The following FZD6 variants were observed in gnomAD, a reference collection of about 807,000 sequenced individuals.
FZD6 encodes the protein frizzled-6.
In FZD6, 49 loss-of-function variants were observed where a neutral mutation model predicts 61.4. That is an observed-to-expected ratio of 0.80 (90% CI 0.63 to 1.01). The LOEUF (loss-of-function observed/expected upper bound fraction) is 1.01. Ranked by LOEUF, FZD6 falls within the 50% of genes least tolerant of loss-of-function variation. The probability of loss-of-function intolerance (pLI) is 0.00; values close to 1 mark genes in which losing one functional copy is unlikely to be tolerated. For synonymous variants in FZD6, 265 were observed against 292.2 expected, an observed-to-expected ratio of 0.91 and a Z score of 0.95; for missense variants, 724 against 848.2, an observed-to-expected ratio of 0.85 and a Z score of 1.82.
Position 103,332,527 on chromosome 8 carries a change from C to T in FZD6, c.*1018C>T, listed in dbSNP as rs778777161. The T allele has an allele frequency of 2.6e-5, 4 of 152,104 alleles. No homozygotes were observed. Among genetic ancestry groups the T allele is most frequent in the South Asian group, 4.2e-4 (2 of 4,818 alleles). 9.4% of individuals were successfully genotyped at this position (152,104 alleles called of 1,614,324 possible). A position where few individuals can be genotyped will look rare whatever the true frequency, so the allele number is the denominator to read the frequency against. On this transcript the variant is annotated 3_prime_UTR_variant, in exon 7 of 7. Coordinates refer to ENST00000358755, the MANE Select transcript of FZD6 (RefSeq NM_003506.4). ...TGCTGAACATTAAAAAGTGTGATAG[C>T]GATATTAGTGCCAATCAAATGGAAA...
At position 103,328,478 on chromosome 8, in the gene FZD6, C is replaced by CCAT. The variant is rs1311490590; in HGVS notation, c.1541+62_1541+63insCAT. On this transcript the variant is annotated intron_variant, in intron 5 of 6. Coordinates refer to ENST00000358755, the MANE Select transcript of FZD6 (RefSeq NM_003506.4). Reference sequence around the variant, plus strand: ...ATAAATAGATCAAAATACCAAGGAACTGTTCAAATCAATGTACTAGAGTTT... The same window carrying CCAT: ...ATAAATAGATCAAAATACCAAGGAACCATTGTTCAAATCAATGTACTAGAGTTT... The CCAT allele has an allele frequency of 3.2e-6, 4 of 1,241,870 alleles. No homozygotes were observed. In the East Asian group the frequency reaches 9.3e-5, roughly 29 times the overall value. The allele number at this position is 1,241,870 out of a possible 1,614,324, so 76.9% of individuals were successfully genotyped here.
At position 103,331,464 on chromosome 8, in the gene FZD6, A is replaced by AGG; in HGVS notation, c.2077_2078dup (p.Val694GlufsTer2). 6.2e-7 allele frequency: 1 copy of AGG among 1,612,148 alleles called. No individual in the cohort carries two copies. The highest frequency in any genetic ancestry group is 2.2e-5 in the East Asian group (1 of 44,866). ...CATCTCTGCTTGTTCACCCGGTTTC[A>AGG]GGAGTGAGAAAAGAGCAGGGAGGTG... On this transcript the variant is annotated frameshift_variant, in exon 7 of 7. Coordinates refer to ENST00000358755, the MANE Select transcript of FZD6 (RefSeq NM_003506.4). LOFTEE classifies it high-confidence loss of function.
In FZD6 at chr8:103,331,915, A is replaced by G. The variant is rs1815149258; in HGVS notation, c.*406A>G. The G allele has an allele frequency of 1.1e-5, 2 of 182,754 alleles. No individual in the cohort carries two copies. Among genetic ancestry groups the G allele is most frequent in the South Asian group, 2.3e-4 (2 of 8,708 alleles). The allele number at this position is 182,754 out of a possible 1,614,324, so 11.3% of individuals were successfully genotyped here. On this transcript the variant is annotated 3_prime_UTR_variant, in exon 7 of 7. Transcript: ENST00000358755. ...TTGTATCTTTTTATACATATTTGAA[A>G]ATAAGCTTATATGTATTTGAACTTT...
intron 2 of FZD6, among the ~76,000 whole-genome samples, chr8:103,315,598 T>G (rs1309292561): frequency 6.6e-6 from 1 of 152,008 alleles, no homozygotes; most frequent in Non-Finnish European, 1.5e-5. Context: ...TTGTCAGGCG[T>G]GAGAGTTACT....
intron 2 of FZD6, among the ~76,000 whole-genome samples, chr8:103,303,677 C>T (rs1429506270): frequency 1.3e-5 from 2 of 152,212 alleles, no homozygotes; most frequent in Admixed American, 6.5e-5. Context: ...CTATCATCTA[C>T]AGTGTCCAAG....
At chr8:103,300,487 G>A (rs4115670) in intron 2 of FZD6, among the ~76,000 whole-genome samples, 85,182 of 151,964 alleles carry the variant, frequency 0.56, 24,341 homozygotes, top group East Asian at 0.68. Flanking sequence ...AGATTCGTTT[G>A]AATAGGGTTC....
rs181965283 is a variant in FZD6 at position 103,313,459 on chromosome 8, A to T, written c.178-5131A>T. ...TGATCTCTGGAGGTGCTCTGAGGTC[A>T]CTGGTAGCAAAGGGGAATGGTGAGA... On this transcript the variant is annotated intron_variant, in intron 2 of 6. Coordinates refer to ENST00000358755, the MANE Select transcript of FZD6 (RefSeq NM_003506.4). Among the ~76,000 whole-genome samples the T allele has an allele frequency of 3.2e-3, 482 of 152,302 alleles. 2 individuals carry two copies. Among genetic ancestry groups the T allele is most frequent in the African/African-American group, 0.011 (462 of 41,570 alleles).
rs149949925 is a variant in FZD6 at position 103,325,696 on chromosome 8, A to G, written c.1392+198A>G. On this transcript the variant is annotated intron_variant, in intron 4 of 6. Transcript: ENST00000358755. ...TTCCTCAAGCTTTAGCTTCAGTTGT[A>G]TAGTAAAGCACTTCCTTTATTCTCT... 6.7e-3 allele frequency among the ~76,000 whole-genome samples: 1,017 copies of G among 152,348 alleles called. 7 individuals carry two copies. Among genetic ancestry groups the G allele is most frequent in the Middle Eastern group, 0.02 (6 of 294 alleles).
At chr8:103,299,242 G>T (rs1030917138) in intron 1 of FZD6, among the ~76,000 whole-genome samples, 2 of 152,262 alleles carry the variant, frequency 1.3e-5, no homozygotes, top group Admixed American at 6.5e-5. Flanking sequence ...TAGGCCTGGG[G>T]CAGGTTCCCG....
chr8:103,306,494 C>CTTTTTTTTT (rs71292793), intron 2 of FZD6, among the ~76,000 whole-genome samples: 1 of 65,200 alleles, frequency 1.5e-5, no homozygotes, highest in African/African-American at 6.2e-5. Context: ...AGGTTCATCA[C>CTTTTTTTTT]TTTTTTTTTT....
chr8:103,311,744 A>G (rs1360026427), intron 2 of FZD6, among the ~76,000 whole-genome samples: 3 of 151,612 alleles, frequency 2.0e-5, no homozygotes, highest in Admixed American at 1.3e-4. Context: ...TAGCACCTAC[A>G]GTTGTTTTGA....
At chr8:103,327,927 A>G (rs1025234356) in intron 4 of FZD6, among the ~76,000 whole-genome samples, 16 of 152,054 alleles carry the variant, frequency 1.1e-4, no homozygotes, top group Admixed American at 1.0e-3. Flanking sequence ...ATAGTGGGGG[A>G]AAATAGGTAC....
chr8:103,300,923 T>A (rs1179546709), intron 2 of FZD6, among the ~76,000 whole-genome samples: 1 of 152,184 alleles, frequency 6.6e-6, no homozygotes, highest in African/African-American at 2.4e-5. Flanking sequence ...TTTAGAGATA[T>A]GCAAATTACT....
intron 2 of FZD6, among the ~76,000 whole-genome samples, chr8:103,318,376 T>TGC (rs1814689005): frequency 6.6e-6 from 1 of 152,192 alleles, no homozygotes; most frequent in Admixed American, 6.5e-5. Context: ...GCAAGTGATT[T>TGC]CACTGGAATA....
chr8:103,324,521 C>G lies in FZD6; in HGVS notation c.415C>G (p.Pro139Ala), dbSNP rs1814881460. ...CDETVPVTFD[P>A]HTEFLGPQKK... ...TGAGACTGTTCCTGTAACTTTTGAT[C>G]CACACACAGAATTTCTTGGTCCTCA... is the stretch of plus-strand genomic sequence containing the variant. Residue 139 changes from proline to alanine, a missense_variant, in exon 4 of 7, where the codon CCA becomes GCA. Pro to Ala is a conservative substitution (Grantham distance 27, BLOSUM62 -1). Transcript: ENST00000358755. 1.2e-6 allele frequency: 2 copies of G among 1,608,676 alleles called. No homozygotes were observed. Among genetic ancestry groups the G allele is most frequent in the Non-Finnish European group, 1.7e-6 (2 of 1,175,328 alleles).
chr8:103,325,484 C>T lies in FZD6; in HGVS notation c.1378C>T (p.Pro460Ser). 1 of 1,610,516 alleles carries T rather than the reference C, an allele frequency of 6.2e-7. No individual in the cohort carries two copies. The change falls in exon 4 of 7, where the codon CCA becomes TCA. Residue 460 changes from proline to serine, a missense_variant. Pro to Ser is a moderately conservative substitution (Grantham distance 74). Transcript: ENST00000358755. ...VSDHCRQYHIPCPYQAKAKAR... is the reference protein window; with the variant it reads ...VSDHCRQYHISCPYQAKAKAR... ...TGATCATTGTCGTCAGTACCATATC[C>T]CATGTCCTTATCAGGTAAAAGCTAT...
At chr8:103,307,984 G>A (rs185166590) in intron 2 of FZD6, 13 of 455,458 alleles carry the variant, frequency 2.9e-5, no homozygotes, top group Admixed American at 7.0e-5. Flanking sequence ...ATAGTTGGTT[G>A]ATCCTGCTGG....
chr8:103,316,755 C>T (rs1814636860), intron 2 of FZD6, among the ~76,000 whole-genome samples: 1 of 151,834 alleles, frequency 6.6e-6, no homozygotes, highest in Admixed American at 6.6e-5. Context: ...CTGTTTTTTT[C>T]CCCCCTCTGG....
chr8:103,331,103 A>G (rs560224042), intron 6 of FZD6, among the ~76,000 whole-genome samples: 98 of 152,170 alleles, frequency 6.4e-4, no homozygotes, highest in Admixed American at 2.6e-3. Context: ...CTTGAACCCA[A>G]GAGGTGGAGG....
Sources: gnomAD v4.1 joint callset for allele counts (sites outside exome capture counted in the v4.1 genomes callset) on GRCh38, gnomAD v4.1.1 for gene constraint, MANE v1.5 for transcripts, NCBI Gene and HGNC (gene_info 2026-07-23, HGNC 2026-07-21) for gene names.